Variants in KIF26B observed in about 807,000 individuals in gnomAD.
KIF26B encodes the protein kinesin-like protein KIF26B.
KIF26B carries 63 observed loss-of-function variants against 151.2 expected under a neutral mutation model. That is an observed-to-expected ratio of 0.42 (90% CI 0.34 to 0.51). KIF26B has a LOEUF of 0.51. KIF26B is among the 20% of genes least tolerant of loss of function. KIF26B has a pLI of 0.07. For synonymous variants in KIF26B, 1,357 were observed against 1,262.1 expected, an observed-to-expected ratio of 1.08 and a Z score of -1.59; for missense variants, 2,813 against 2,913.6, an observed-to-expected ratio of 0.97 and a Z score of 0.79.
chr1:245,579,752 G>T (rs1445125627), intron 5 of KIF26B, among the ~76,000 whole-genome samples: 1 of 152,152 alleles, frequency 6.6e-6, no homozygotes, highest in Non-Finnish European at 1.5e-5. Context: ...GGAGGCTGAG[G>T]CAGGAGAATC....
At chr1:245,509,757 T>G (rs765279104) in intron 4 of KIF26B, among the ~76,000 whole-genome samples, 1 of 152,196 alleles carries the variant, frequency 6.6e-6, no homozygotes, top group African/African-American at 2.4e-5. Context: ...CAGGGAGGGT[T>G]GGAGAGACCA....
intron 4 of KIF26B, among the ~76,000 whole-genome samples, chr1:245,462,120 C>T (rs1021685015): frequency 1.3e-5 from 2 of 151,536 alleles, no homozygotes; most frequent in Non-Finnish European, 2.9e-5. Flanking sequence ...GAGACCCTGT[C>T]TCAGAAAAAG....
intron 2 of KIF26B, among the ~76,000 whole-genome samples, chr1:245,286,448 A>T (rs879308393): frequency 5.9e-5 from 9 of 152,024 alleles, no homozygotes; most frequent in Non-Finnish European, 1.2e-4. Context: ...TGGGCGAGGC[A>T]CGAGAATTGC....
chr1:245,670,367 C>G (rs941219012), intron 10 of KIF26B, among the ~76,000 whole-genome samples: 2 of 150,400 alleles, frequency 1.3e-5, no homozygotes, highest in Non-Finnish European at 3.0e-5. Flanking sequence ...TTCCCCCAGA[C>G]TTTTTGAGAG....
intron 5 of KIF26B, among the ~76,000 whole-genome samples, chr1:245,543,950 T>C (rs988450648): frequency 2.0e-5 from 3 of 151,762 alleles, no homozygotes; most frequent in Non-Finnish European, 4.4e-5. Context: ...TCCATCTCAA[T>C]AAAAAAGAAA....
chr1:245,534,864 C>A (rs1307063975), intron 4 of KIF26B, among the ~76,000 whole-genome samples: 2 of 151,488 alleles, frequency 1.3e-5, no homozygotes, highest in Non-Finnish European at 2.9e-5. Flanking sequence ...CTCACTGCAA[C>A]CTCTACCTCC....
intron 2 of KIF26B, among the ~76,000 whole-genome samples, chr1:245,232,284 A>AC (rs1670014139): frequency 6.6e-6 from 1 of 152,232 alleles, no homozygotes; most frequent in Admixed American, 6.5e-5. Flanking sequence ...CTTGGAAAAG[A>AC]CCTGAAGCAG....
intron 4 of KIF26B, among the ~76,000 whole-genome samples, chr1:245,513,888 C>T (rs913453360): frequency 2.6e-5 from 4 of 151,956 alleles, no homozygotes; most frequent in Admixed American, 2.6e-4. Context: ...AACTCCATTC[C>T]TCCCTCATTT....
intron 2 of KIF26B, among the ~76,000 whole-genome samples, chr1:245,213,397 T>A (rs1212077878): frequency 3.3e-5 from 5 of 152,186 alleles, no homozygotes; most frequent in Admixed American, 1.3e-4. Flanking sequence ...TTTCTCATGC[T>A]CCTTCTGTCT....
In KIF26B at chr1:245,619,458, T is replaced by C. The variant is rs150183640; in HGVS notation, c.2098+7482T>C. Among the ~76,000 whole-genome samples the C allele has an allele frequency of 7.0e-3, 1,059 of 152,114 alleles. 11 individuals are homozygous for C. Among genetic ancestry groups the C allele is most frequent in the African/African-American group, 0.023 (971 of 41,510 alleles). ...ACTAAAATTACAAAAATTAGTCAGG[T>C]GTGGTGGCAGGTGCCTATAATCCCA... is the stretch of plus-strand genomic sequence containing the variant. On this transcript the variant is annotated intron_variant, in intron 9 of 14. Coordinates refer to ENST00000407071, the MANE Select transcript of KIF26B (RefSeq NM_018012.4).
intron 3 of KIF26B, among the ~76,000 whole-genome samples, chr1:245,419,229 A>G (rs779835643): frequency 5.3e-5 from 8 of 152,152 alleles, no homozygotes; most frequent in Non-Finnish European, 1.0e-4. Flanking sequence ...ATTCCTGGTA[A>G]GAAGCCAGCA....
At chr1:245,483,930 T>A (rs374624268) in intron 4 of KIF26B, among the ~76,000 whole-genome samples, 339 of 152,050 alleles carry the variant, frequency 2.2e-3, no homozygotes, top group African/African-American at 7.9e-3. Context: ...AATCTGAGTT[T>A]CCTCATTCCA....
In KIF26B at chr1:245,687,740, A is replaced by T; in HGVS notation, c.4757A>T (p.His1586Leu). 1 of 1,578,428 alleles carries T rather than the reference A, an allele frequency of 6.3e-7. No homozygotes were observed. The change falls in exon 12 of 15, where the codon CAC becomes CTC. Residue 1586 changes from histidine to leucine, a missense_variant. Around this residue, in one of 3 missense-constraint regions of KIF26B, gnomAD observed 2,060 missense variants for 2,088.6 expected, o/e 0.99. Coordinates refer to ENST00000407071, the MANE Select transcript of KIF26B (RefSeq NM_018012.4). This position sits in a 1 kb window ranked among gnomAD's most constrained non-coding sequence, Gnocchi z 4.9. Reference protein sequence around the residue: ...TLEGKVASPKHCVLARPKGTP... With the variant: ...TLEGKVASPKLCVLARPKGTP... ...GAGGGGAAGGTGGCTTCCCCCAAGC[A>T]CTGTGTTCTGGCTCGGCCCAAAGGG... is the stretch of plus-strand genomic sequence containing the variant.
intron 9 of KIF26B, among the ~76,000 whole-genome samples, chr1:245,641,667 T>G (rs946815434): frequency 1.3e-5 from 2 of 152,200 alleles, no homozygotes; most frequent in Non-Finnish European, 2.9e-5. Flanking sequence ...CTCCAGGATT[T>G]CTGTTTAATT....
rs997418527 is a variant in KIF26B at position 245,450,702 on chromosome 1, G to T, written c.1166+30957G>T. 2.6e-5 allele frequency among the ~76,000 whole-genome samples: 4 copies of T among 152,248 alleles called. No homozygotes were observed. In the East Asian group the frequency reaches 7.7e-4, roughly 29 times the overall value. ...TGTGGTAGGATTTAGAGTCAAAAGT[G>T]TTTTTTATACTAAAAGACACTATGG... On this transcript the variant is annotated intron_variant, in intron 4 of 14. Transcript: ENST00000407071.
Position 245,218,689 on chromosome 1 carries a change from A to G in KIF26B, c.465+62006A>G, listed in dbSNP as rs1041273063. Among the ~76,000 whole-genome samples, 1 of 152,162 alleles carries G rather than the reference A, an allele frequency of 6.6e-6. No homozygotes were observed. The highest frequency in any genetic ancestry group is 1.5e-5 in the Non-Finnish European group (1 of 68,024). On this transcript the variant is annotated intron_variant, in intron 2 of 14. Transcript: ENST00000407071. The surrounding 1 kb of genome is among the most constrained non-coding windows in gnomAD (Gnocchi z 4.1). ...CAAACAGTTTCAATGTCTATTTCAC[A>G]TGTGCGCTCTAGCTCAGAATTTTAA...
intron 10 of KIF26B, among the ~76,000 whole-genome samples, chr1:245,648,030 C>A (rs192244069): frequency 6.6e-6 from 1 of 152,090 alleles, no homozygotes; most frequent in Non-Finnish European, 1.5e-5. Context: ...GGAGGGAAAC[C>A]GTTGGAGTTG....
At chr1:245,608,685 A>G (rs925571583) in intron 7 of KIF26B, among the ~76,000 whole-genome samples, 1 of 152,202 alleles carries the variant, frequency 6.6e-6, no homozygotes, top group African/African-American at 2.4e-5. Flanking sequence ...GGAACTGGAT[A>G]GCATGTGATA....
At chr1:245,310,017 G>A (rs983075535) in intron 2 of KIF26B, among the ~76,000 whole-genome samples, 12 of 147,390 alleles carry the variant, frequency 8.1e-5, no homozygotes, top group Middle Eastern at 3.6e-3. Context: ...CATATGCAAA[G>A]AGAGGTCACG....
Sources: allele counts gnomAD v4.1 joint callset (sites outside exome capture counted in the v4.1 genomes callset), GRCh38; gene constraint gnomAD v4.1.1; regional missense constraint gnomAD v4.1.1; non-coding constraint Gnocchi (gnomAD v3.1); transcripts MANE v1.5; gene names NCBI Gene and HGNC (gene_info 2026-07-23, HGNC 2026-07-21).